IQCM: variants seen among roughly 807,000 people sequenced by gnomAD.
IQCM encodes the protein IQ domain-containing protein M.
Under a neutral mutation model 57.6 loss-of-function variants are expected in IQCM, and 45 were observed. That is an observed-to-expected ratio of 0.78 (90% CI 0.62 to 1.00). The LOEUF is 1.00. IQCM is among the 50% of genes least tolerant of loss of function. The probability of loss-of-function intolerance (pLI) is 0.00; values close to 1 mark genes in which losing one functional copy is unlikely to be tolerated. For missense variants in IQCM, 468 were observed against 511.6 expected (o/e 0.91, Z 0.82); for synonymous variants, 148 against 158.9 (o/e 0.93, Z 0.51).
chr4:149,722,097 C>T (rs1047611583), intron 5 of IQCM, among the ~76,000 whole-genome samples: 6 of 151,778 alleles, frequency 4.0e-5, no homozygotes, highest in Non-Finnish European at 7.4e-5. Flanking sequence ...TCTCCTTTTG[C>T]GAAATGTTTG....
At chr4:149,528,249 G>C (rs1438930350) in intron 12 of IQCM, among the ~76,000 whole-genome samples, 1 of 152,046 alleles carries the variant, frequency 6.6e-6, no homozygotes, top group Non-Finnish European at 1.5e-5. Context: ...GCCTCCCAAA[G>C]TGCTGGGATT....
intron 12 of IQCM, among the ~76,000 whole-genome samples, chr4:149,504,742 G>A (rs1743611792): frequency 6.6e-6 from 1 of 152,056 alleles, no homozygotes; most frequent in Non-Finnish European, 1.5e-5. Context: ...GGTAAATCCT[G>A]TCTCTACTAA....
rs773170349 is a variant in IQCM at position 149,750,712 on chromosome 4, A to G, written c.-48-7973T>C. Among the ~76,000 whole-genome samples the G allele has an allele frequency of 8.1e-4, 123 of 152,356 alleles. 1 individual carries two copies. The highest frequency in any genetic ancestry group is 4.1e-4 in the South Asian group (2 of 4,830). On this transcript the variant is annotated intron_variant, in intron 2 of 13. Transcript: ENST00000636793. ...CATGCCTTAAATAGAAGCCATTAAC[A>G]TTTTATAAATAACAATAAAGAGAGA...
chr4:149,608,108 A>G (rs529810554), intron 8 of IQCM, among the ~76,000 whole-genome samples: 2 of 152,116 alleles, frequency 1.3e-5, no homozygotes, highest in African/African-American at 4.8e-5. Flanking sequence ...AAACCAAAAA[A>G]AGAGTAGGAA....
chr4:149,615,532 G>A (rs1755713213), intron 8 of IQCM, among the ~76,000 whole-genome samples: 1 of 152,134 alleles, frequency 6.6e-6, no homozygotes, highest in Non-Finnish European at 1.5e-5. Flanking sequence ...CAATAAACAT[G>A]TGGTTGCAGA....
chr4:149,656,248 C>T (rs1473737460), intron 7 of IQCM, among the ~76,000 whole-genome samples: 1 of 151,966 alleles, frequency 6.6e-6, no homozygotes, highest in African/African-American at 2.4e-5. Context: ...TAAACATCTA[C>T]ACTTCAATTA....
At chr4:149,786,170 C>T (rs1772064225) in intron 2 of IQCM, among the ~76,000 whole-genome samples, 1 of 152,088 alleles carries the variant, frequency 6.6e-6, no homozygotes, top group African/African-American at 2.4e-5. Flanking sequence ...GTCAGTGATT[C>T]CTGAGACATA....
chr4:149,410,210 C>CA lies in IQCM; in HGVS notation c.1390+23185dup, dbSNP rs971834500. Among the ~76,000 whole-genome samples the CA allele has an allele frequency of 6.6e-5, 10 of 152,020 alleles. No homozygotes were observed. The South Asian group carries it at 1.5e-3, about 22-fold the overall frequency. Reference sequence around the variant, plus strand: ...ACAAACAAACAAACAAACAAACAAACAAAAAACCCCACAGTTCTCACAGCC... The same window carrying CA: ...ACAAACAAACAAACAAACAAACAAACAAAAAAACCCCACAGTTCTCACAGCC... On this transcript the variant is annotated intron_variant, in intron 13 of 13. Coordinates refer to ENST00000636793, the MANE Select transcript of IQCM (RefSeq NM_001363507.2).
intron 12 of IQCM, among the ~76,000 whole-genome samples, chr4:149,459,540 A>G (rs1458920132): frequency 2.6e-5 from 4 of 152,182 alleles, no homozygotes; most frequent in African/African-American, 7.2e-5. Context: ...CATCACCACC[A>G]TCTATCTCCA....
chr4:149,752,184 A>G (rs79884826), intron 2 of IQCM, among the ~76,000 whole-genome samples: 2 of 143,944 alleles, frequency 1.4e-5, no homozygotes, highest in Non-Finnish European at 3.0e-5. Context: ...ATCTTTCTAG[A>G]AAAAAAAAAA....
intron 2 of IQCM, among the ~76,000 whole-genome samples, chr4:149,785,830 A>C (rs1718541973): frequency 6.6e-6 from 1 of 151,958 alleles, no homozygotes; most frequent in Non-Finnish European, 1.5e-5. Context: ...AAAAAAAAAA[A>C]AAAATCTTAG....
chr4:149,465,121 C>T (rs1738709125), intron 12 of IQCM, among the ~76,000 whole-genome samples: 2 of 152,052 alleles, frequency 1.3e-5, no homozygotes, highest in East Asian at 3.9e-4. Flanking sequence ...GATGATATGT[C>T]AAGAAAAATG....
At chr4:149,651,198 C>T (rs372880726) in intron 7 of IQCM, among the ~76,000 whole-genome samples, 1 of 152,248 alleles carries the variant, frequency 6.6e-6, no homozygotes, top group Admixed American at 6.5e-5. Context: ...GTGGTCACAT[C>T]CTGAGGAGCA....
intron 13 of IQCM, among the ~76,000 whole-genome samples, chr4:149,392,323 A>G (rs1277289637): frequency 6.6e-6 from 1 of 152,024 alleles, no homozygotes; most frequent in Non-Finnish European, 1.5e-5. Context: ...GTTGAAGATA[A>G]AGCAATACAT....
rs1735068970 is a variant in IQCM, at chr4:149,433,576, A to C, written c.1229-19T>G. The stretch of plus-strand genomic sequence containing the variant: ...TTGCCATCTATAAAGAAAAGATAAA[A>C]TATATAAAATTTTAGACATTTTACA... On this transcript the variant is annotated intron_variant, in intron 12 of 13. Coordinates refer to ENST00000636793, the MANE Select transcript of IQCM (RefSeq NM_001363507.2). 1 of 1,011,740 alleles carries C rather than the reference A, an allele frequency of 9.9e-7. No homozygotes were observed. The highest frequency in any genetic ancestry group is 1.7e-5 in the African/African-American group (1 of 59,996). The allele number at this position is 1,011,740 out of a possible 1,614,324, so 62.7% of individuals were successfully genotyped here.
intron 5 of IQCM, among the ~76,000 whole-genome samples, chr4:149,727,521 A>C (rs1243230946): frequency 6.6e-6 from 1 of 152,224 alleles, no homozygotes; most frequent in Non-Finnish European, 1.5e-5. Context: ...AACAAGCAAG[A>C]AGGGAAAACT....
At chr4:149,590,855 TG>T (rs777146641) in intron 8 of IQCM, among the ~76,000 whole-genome samples, 5 of 152,074 alleles carry the variant, frequency 3.3e-5, no homozygotes, top group African/African-American at 4.8e-5. Context: ...ATATTATTGA[TG>T]GGCATTTGGG....
intron 13 of IQCM, among the ~76,000 whole-genome samples, chr4:149,425,462 G>A (rs1361548896): frequency 6.6e-6 from 1 of 151,908 alleles, no homozygotes; most frequent in Non-Finnish European, 1.5e-5. Flanking sequence ...AGGATCTTGG[G>A]GGTTGATGGT....
At chr4:149,404,213 C>G (rs1434122613) in intron 13 of IQCM, among the ~76,000 whole-genome samples, 2 of 151,940 alleles carry the variant, frequency 1.3e-5, no homozygotes, top group East Asian at 3.9e-4. Context: ...TTTATGGAGA[C>G]AGAACTGAGT....
Sources: gnomAD v4.1 joint callset for allele counts (sites outside exome capture counted in the v4.1 genomes callset) on GRCh38, gnomAD v4.1.1 for gene constraint, MANE v1.5 for transcripts, NCBI Gene and HGNC (gene_info 2026-07-23, HGNC 2026-07-21) for gene names.